Variants in RUFY2 observed in about 807,000 individuals in gnomAD.
RUFY2 encodes the protein RUN and FYVE domain containing 2, also known as RUN and FYVE domain-containing protein 2.
RUFY2 carries 49 observed loss-of-function variants against 94.4 expected under a neutral mutation model. That is an observed-to-expected ratio of 0.52 (90% CI 0.41 to 0.66). The LOEUF (loss-of-function observed/expected upper bound fraction) is 0.66. Ranked by LOEUF, RUFY2 falls within the 30% of genes least tolerant of loss-of-function variation. RUFY2 has a pLI of 0.00. For missense variants in RUFY2, 541 were observed against 692.8 expected, an observed-to-expected ratio of 0.78 and a Z score of 2.46; for synonymous variants, 255 against 235.7, an observed-to-expected ratio of 1.08 and a Z score of -0.75.
chr10:68,393,133 C>T lies in RUFY2; in HGVS notation c.650+5G>A. ...ATAAATGTGCTAAGTATCCATAATA[C>T]TTACTTCAGTTGTCTATTTAATTCT... On this transcript the variant is annotated splice_donor_5th_base_variant and intron_variant, in intron 7 of 17. Transcript: ENST00000602465. The T allele has an allele frequency of 6.8e-7, 1 of 1,462,452 alleles. No individual in the cohort carries two copies. The highest frequency in any genetic ancestry group is 9.4e-7 in the Non-Finnish European group (1 of 1,058,996). 90.6% of individuals were successfully genotyped at this position (1,462,452 alleles called of 1,614,324 possible).
intron 13 of RUFY2, among the ~76,000 whole-genome samples, chr10:68,371,309 C>A (rs1052314222): frequency 3.9e-5 from 6 of 151,980 alleles, no homozygotes; most frequent in Non-Finnish European, 7.4e-5. Flanking sequence ...ATAATCCCAG[C>A]TACTCAGGAG....
chr10:68,392,276 AC>A (rs1483663636), intron 7 of RUFY2, among the ~76,000 whole-genome samples: 1 of 151,594 alleles, frequency 6.6e-6, no homozygotes, highest in Non-Finnish European at 1.5e-5. Context: ...CAGGTGATCC[AC>A]CCGCCTCGGC....
At chr10:68,341,494 T>G, downstream of RUFY2, 1 of 1,043,984 alleles carries the variant, frequency 9.6e-7, no homozygotes. Context: ...TTGTTTAATA[T>G]TACTTAATTG....
intron 1 of RUFY2, chr10:68,406,940 C>T (rs1276475917): frequency 6.4e-7 from 1 of 1,553,272 alleles, no homozygotes; most frequent in Admixed American, 1.9e-5. Context: ...GCCGTGGCAC[C>T]TCGAGCCCTC....
intron 13 of RUFY2, among the ~76,000 whole-genome samples, chr10:68,371,109 G>T (rs1394584021): frequency 7.0e-6 from 1 of 143,534 alleles, no homozygotes; most frequent in Non-Finnish European, 1.5e-5. Context: ...TCCAGCCTGG[G>T]TGACAGAGAG....
At chr10:68,343,160 A>G (rs2046068673), downstream of RUFY2, 1 of 152,224 alleles carries the variant, frequency 6.6e-6, no homozygotes. Context: ...TTTGCCAGAA[A>G]TGTTATTAAT....
intron 12 of RUFY2, chr10:68,378,106 C>A: frequency 1.0e-6 from 1 of 985,528 alleles, no homozygotes; most frequent in Non-Finnish European, 1.2e-6. Context: ...AACTGAGAAG[C>A]TGAAGCACAG....
chr10:68,377,054 A>C, intron 12 of RUFY2, 82 bp from the exon 13 acceptor site: 1 of 1,567,078 alleles, frequency 6.4e-7, no homozygotes, highest in South Asian at 1.2e-5. Flanking sequence ...ATAAAAGAAA[A>C]ATGGGGAAAT....
chr10:68,375,235 A>G (rs1214249680), intron 13 of RUFY2, among the ~76,000 whole-genome samples: 1 of 150,668 alleles, frequency 6.6e-6, no homozygotes, highest in Non-Finnish European at 1.5e-5. Context: ...TCCACAATTT[A>G]AAAAAAATGT....
chr10:68,390,320 T>G (rs566629025), intron 7 of RUFY2, among the ~76,000 whole-genome samples: 1 of 152,252 alleles, frequency 6.6e-6, no homozygotes, highest in South Asian at 2.1e-4. Flanking sequence ...ATAATACATA[T>G]TCACTGAGTA....
chr10:68,382,978 G>C (rs553027329), intron 10 of RUFY2, among the ~76,000 whole-genome samples: 1 of 151,894 alleles, frequency 6.6e-6, no homozygotes, highest in Non-Finnish European at 1.5e-5. Flanking sequence ...TTTCTATAAC[G>C]CTGGTCATAA....
chr10:68,365,333 G>A (rs556970987), intron 13 of RUFY2, among the ~76,000 whole-genome samples: 2 of 152,204 alleles, frequency 1.3e-5, no homozygotes, highest in African/African-American at 2.4e-5. Context: ...CACTGTCTGT[G>A]TGAAGTCTGC....
intron 16 of RUFY2, 94 bp downstream of exon 16, chr10:68,355,259 C>T: frequency 4.5e-6 from 4 of 895,278 alleles, no homozygotes; most frequent in Non-Finnish European, 7.2e-6. Flanking sequence ...CTCTATATAT[C>T]CTGGGGTTAA....
intron 7 of RUFY2, among the ~76,000 whole-genome samples, chr10:68,388,851 A>AG (rs2049751278): frequency 8.0e-6 from 1 of 125,030 alleles, no homozygotes; most frequent in Non-Finnish European, 1.8e-5. Context: ...AAAAAAAAAA[A>AG]AAAGAAAAGA....
intron 13 of RUFY2, among the ~76,000 whole-genome samples, chr10:68,372,290 C>T (rs1481680711): frequency 6.6e-6 from 1 of 152,064 alleles, no homozygotes; most frequent in Non-Finnish European, 1.5e-5. Flanking sequence ...ATCCTAGCTA[C>T]TCAGGAGGCT....
chr10:68,385,505 T>C (rs1437598113), intron 8 of RUFY2, among the ~76,000 whole-genome samples: 2 of 152,112 alleles, frequency 1.3e-5, no homozygotes, highest in Non-Finnish European at 2.9e-5. Context: ...GTCAACATGA[T>C]CATGCAGTGA....
chr10:68,369,738 A>C (rs1256105271), intron 13 of RUFY2, among the ~76,000 whole-genome samples: 3 of 152,112 alleles, frequency 2.0e-5, no homozygotes, highest in Admixed American at 2.0e-4. Flanking sequence ...CCTAGGCAAC[A>C]TAGAGAGATC....
chr10:68,376,440 GTGTATATATATATATATATA>G lies in RUFY2; in HGVS notation c.1325+393_1325+412del, dbSNP rs1356463415. ...GTGAAACTTCATCTCAAAAAAATGT[GTGTATATATATATATATATA>G]TATATATATATATATATATATATAT... On this transcript the variant is annotated intron_variant, in intron 13 of 17. Coordinates refer to ENST00000602465, the MANE Select transcript of RUFY2 (RefSeq NM_001330103.2). 2.1e-3 allele frequency among the ~76,000 whole-genome samples: 103 copies of G among 48,266 alleles called. 2 individuals carry two copies. The highest frequency in any genetic ancestry group is 3.7e-3 in the African/African-American group (74 of 20,256). The allele number at this position is 48,266 out of a possible 152,430, so 31.7% of individuals were successfully genotyped here.
At chr10:68,402,357 G>T (rs1337098224) in intron 2 of RUFY2, among the ~76,000 whole-genome samples, 5 of 152,000 alleles carry the variant, frequency 3.3e-5, no homozygotes, top group African/African-American at 1.2e-4. Context: ...CCATGAAATT[G>T]CCATACATTT....
Sources: gnomAD v4.1 joint callset for allele counts (sites outside exome capture counted in the v4.1 genomes callset) on GRCh38, gnomAD v4.1.1 for gene constraint, MANE v1.5 for transcripts, NCBI Gene and HGNC (gene_info 2026-07-23, HGNC 2026-07-21) for gene names.